Variants in CFAP206 observed in about 807,000 individuals in gnomAD.
CFAP206 encodes cilia- and flagella-associated protein 206.
CFAP206 carries 53 observed loss-of-function variants against 65.4 expected under a neutral mutation model. The ratio of observed to expected loss-of-function variants is 0.81; its 90% confidence interval spans 0.65 to 1.02. The LOEUF is 1.02. Among genes scored for constraint, CFAP206 ranks in the 50% least tolerant of loss-of-function variants. The probability of loss-of-function intolerance (pLI) is 0.00; values close to 1 mark genes in which losing one functional copy is unlikely to be tolerated. For synonymous variants in CFAP206, 250 were observed against 254.4 expected (o/e 0.98, Z 0.17); for missense variants, 663 against 753.2 (o/e 0.88, Z 1.40).
At chr6:87,425,238 A>C (rs12525627) in intron 7 of CFAP206, among the ~76,000 whole-genome samples, 4,969 of 152,290 alleles carry the variant, frequency 0.033, 93 homozygotes, top group Middle Eastern at 0.075. Context: ...AAAGAATATT[A>C]AGACAAATTT....
In CFAP206 at chr6:87,438,649, C is replaced by T. The variant is rs146703616; in HGVS notation, c.1494+3596C>T. On this transcript the variant is annotated intron_variant, in intron 11 of 12. Transcript: ENST00000369562. ...GCCACAAGAGCCCTTCCTTCATGGC[C>T]GATTTGCCACAAGAGCCCTTCCTTC... Among the ~76,000 whole-genome samples, 23 of 151,834 alleles carry T rather than the reference C, an allele frequency of 1.5e-4. No individual in the cohort carries two copies. The East Asian group carries it at 3.7e-3, about 24-fold the overall frequency.
chr6:87,424,453 A>AT (rs1471360157), intron 7 of CFAP206, among the ~76,000 whole-genome samples: 1 of 151,586 alleles, frequency 6.6e-6, no homozygotes, highest in Non-Finnish European at 1.5e-5. Context: ...TAATTTTTTT[A>AT]TTTTTAGTGG....
At chr6:87,450,642 A>T (rs1768526147) in intron 11 of CFAP206, among the ~76,000 whole-genome samples, 1 of 152,046 alleles carries the variant, frequency 6.6e-6, no homozygotes, top group African/African-American at 2.4e-5. Context: ...AGATGGCAGA[A>T]TAGAACCCTC....
chr6:87,458,091 CA>C (rs1252392017), intron 11 of CFAP206, among the ~76,000 whole-genome samples: 1 of 152,096 alleles, frequency 6.6e-6, no homozygotes, highest in Non-Finnish European at 1.5e-5. Flanking sequence ...CACTGATCAT[CA>C]GGGAAATGCA....
At chr6:87,437,526 T>C (rs1451989350) in intron 11 of CFAP206, among the ~76,000 whole-genome samples, 2 of 152,208 alleles carry the variant, frequency 1.3e-5, no homozygotes, top group African/African-American at 4.8e-5. Context: ...GAATCCTTCA[T>C]TGAAGACACA....
intron 11 of CFAP206, among the ~76,000 whole-genome samples, chr6:87,460,298 A>T (rs749655637): frequency 2.6e-5 from 4 of 152,260 alleles, no homozygotes; most frequent in Non-Finnish European, 5.9e-5. Flanking sequence ...ACTAAAAACA[A>T]AGCAAAAACC....
intron 9 of CFAP206, 115 bp downstream of exon 9, chr6:87,428,939 G>T: frequency 9.2e-7 from 1 of 1,086,944 alleles, no homozygotes; most frequent in Non-Finnish European, 1.3e-6. Context: ...CATTTTTCTT[G>T]ATTATAAAGT....
chr6:87,459,052 G>A (rs1415717827), intron 11 of CFAP206, among the ~76,000 whole-genome samples: 1 of 152,028 alleles, frequency 6.6e-6, no homozygotes, highest in Admixed American at 6.6e-5. Context: ...TCATTTTGAT[G>A]AGTATTATAA....
At chr6:87,458,213 C>T (rs1562011499) in intron 11 of CFAP206, among the ~76,000 whole-genome samples, 1 of 152,178 alleles carries the variant, frequency 6.6e-6, no homozygotes, top group South Asian at 2.1e-4. Context: ...CCCTAGTACA[C>T]TGTTGGTGGG....
intron 12 of CFAP206, 97 bp from the exon 13 acceptor site, chr6:87,463,923 A>G: frequency 6.9e-6 from 6 of 867,996 alleles, no homozygotes; most frequent in Non-Finnish European, 1.0e-5. Flanking sequence ...TTGTGGATTG[A>G]AGACAAAAAT....
chr6:87,431,176 A>G lies in CFAP206; in HGVS notation c.1300+3A>G, dbSNP rs1477723669. On this transcript the variant is annotated splice_donor_region_variant and intron_variant, in intron 10 of 12. Transcript: ENST00000369562. ...AACAGATGGTCTTCTCCTTCCAGGT[A>G]TATCATTGGAAATGAGACTGCTCTC... 2 of 1,611,858 alleles carry G rather than the reference A, an allele frequency of 1.2e-6. No homozygotes were observed. Among genetic ancestry groups the G allele is most frequent in the South Asian group, 1.1e-5 (1 of 90,684 alleles).
At position 87,434,897 on chromosome 6, in the gene CFAP206, A is replaced by G. The variant is rs1224921265; in HGVS notation, c.1338A>G (p.Lys446=). 1 of 1,469,694 alleles carries G rather than the reference A, an allele frequency of 6.8e-7. No individual in the cohort carries two copies. The highest frequency in any genetic ancestry group is 2.0e-5 in the Admixed American group (1 of 49,986). 91.0% of individuals were successfully genotyped at this position (1,469,694 alleles called of 1,614,324 possible). A position where few individuals can be genotyped will look rare whatever the true frequency, so the allele number is the denominator to read the frequency against. Residue 446 remains lysine (K), a synonymous_variant, in exon 11 of 13, where the codon AAA becomes AAG. Transcript: ENST00000369562. ...PAIGILKYKE[K]YYTFNSKDAA... ...TTGGAATTTTAAAATATAAAGAAAA[A>G]TATTACACATTCAATAGTAAAGATG...
At chr6:87,461,660 C>T (rs1768750947) in intron 12 of CFAP206, among the ~76,000 whole-genome samples, 1 of 151,162 alleles carries the variant, frequency 6.6e-6, no homozygotes, top group Non-Finnish European at 1.5e-5. Flanking sequence ...CCCCCACCAT[C>T]CCCTCTTTAT....
intron 7 of CFAP206, among the ~76,000 whole-genome samples, chr6:87,425,413 T>C (rs1238597917): frequency 6.6e-6 from 1 of 152,206 alleles, no homozygotes; most frequent in Non-Finnish European, 1.5e-5. Context: ...AAGTCAAATA[T>C]ATCTTTTAGA....
rs1413423196 is a variant in CFAP206 at position 87,452,894 on chromosome 6, G to A, written c.1495-8128G>A. Among the ~76,000 whole-genome samples the A allele has an allele frequency of 4.6e-5, 7 of 152,110 alleles. No individual in the cohort carries two copies. In the East Asian group the frequency reaches 1.3e-3, roughly 29 times the overall value. Reference sequence around the variant, plus strand: ...ATTGACCTTGAGAAGGTAGAGAAGAGATAGGGGTAGAAAGTTTATTCAAAG... The same window carrying A: ...ATTGACCTTGAGAAGGTAGAGAAGAAATAGGGGTAGAAAGTTTATTCAAAG... On this transcript the variant is annotated intron_variant, in intron 11 of 12. Transcript: ENST00000369562.
chr6:87,408,168 C>A, intron 1 of CFAP206, 79 bp downstream of exon 1: 1 of 738,054 alleles, frequency 1.4e-6, no homozygotes, highest in Non-Finnish European at 1.7e-6. Context: ...GCTGGCGGAG[C>A]TCGGGCGGCT....
intron 3 of CFAP206, among the ~76,000 whole-genome samples, chr6:87,412,458 T>G (rs539805313): frequency 1.3e-5 from 2 of 151,650 alleles, no homozygotes; most frequent in East Asian, 3.9e-4. Context: ...AGGTGACCAG[T>G]AGAGATGAGA....
chr6:87,453,207 T>G (rs1414990526), intron 11 of CFAP206, among the ~76,000 whole-genome samples: 1 of 152,050 alleles, frequency 6.6e-6, no homozygotes, highest in Non-Finnish European at 1.5e-5. Context: ...AAAAAAAATT[T>G]TTTATCCTAG....
rs372122102 is a variant in CFAP206 at position 87,452,108 on chromosome 6, G to A, written c.1495-8914G>A. ...CACCTCTCCTCCCACTCCAGTTGGC[G>A]CAACATGGGGAGAGAGATTTTGTTT... On this transcript the variant is annotated intron_variant, in intron 11 of 12. Transcript: ENST00000369562. Among the ~76,000 whole-genome samples, 9 of 152,288 alleles carry A rather than the reference G, an allele frequency of 5.9e-5. No individual in the cohort carries two copies. In the East Asian group the frequency reaches 1.5e-3, roughly 26 times the overall value.
Sources: gnomAD v4.1 joint callset for allele counts (sites outside exome capture counted in the v4.1 genomes callset) on GRCh38, gnomAD v4.1.1 for gene constraint, MANE v1.5 for transcripts, NCBI Gene and HGNC (gene_info 2026-07-23, HGNC 2026-07-21) for gene names.